Variants in PTPRD observed in about 807,000 individuals in gnomAD.
PTPRD encodes protein tyrosine phosphatase receptor type D.
PTPRD carries 34 observed loss-of-function variants against 214.5 expected under a neutral mutation model. The observed-to-expected ratio is 0.16, with a 90% CI of 0.12 to 0.21. The LOEUF is 0.21. Ranked by LOEUF, PTPRD falls within the 10% of genes least tolerant of loss-of-function variation. PTPRD has a pLI of 1.00. For synonymous variants in PTPRD, 1,128 were observed against 845.7 expected (o/e 1.33, Z -5.79); for missense variants, 2,545 against 2,398.7 (o/e 1.06, Z -1.27).
chr9:9,381,131 C>G (rs982043925), intron 9 of PTPRD, among the ~76,000 whole-genome samples: 1 of 152,136 alleles, frequency 6.6e-6, no homozygotes, highest in East Asian at 1.9e-4. Flanking sequence ...ATATTTTGAT[C>G]TACTCTGACA....
chr9:8,388,551 C>T (rs910607161), intron 37 of PTPRD, among the ~76,000 whole-genome samples: 3 of 152,110 alleles, frequency 2.0e-5, no homozygotes, highest in African/African-American at 7.2e-5. Flanking sequence ...ATTTTTTAGT[C>T]CTTCAAACCA....
Position 8,315,843 on chromosome 9 carries a change from T to C in PTPRD, c.*2031A>G, listed in dbSNP as rs986310882. The C allele has an allele frequency of 2.7e-5, 6 of 224,708 alleles. No homozygotes were observed. Among genetic ancestry groups the C allele is most frequent in the East Asian group, 6.4e-5 (1 of 15,586 alleles). 13.9% of individuals were successfully genotyped at this position (224,708 alleles called of 1,614,324 possible). ...ACTCTTTAAGAGTTCCTTGGGTATT[T>C]TGAGGATTATTTAAAATCATGTAAT... On this transcript the variant is annotated 3_prime_UTR_variant, in exon 46 of 46. Transcript: ENST00000381196.
chr9:9,889,557 G>A (rs1006950187), intron 5 of PTPRD, among the ~76,000 whole-genome samples: 4 of 152,112 alleles, frequency 2.6e-5, no homozygotes, highest in African/African-American at 9.7e-5. Flanking sequence ...TGGTGCTTTA[G>A]TCAGGATTTT....
chr9:10,000,849 C>T (rs1301556917), intron 4 of PTPRD, among the ~76,000 whole-genome samples: 2 of 152,156 alleles, frequency 1.3e-5, no homozygotes, highest in East Asian at 1.9e-4. Context: ...TCCACGGGTG[C>T]AGGACATCTG....
chr9:8,528,368 T>C (rs575638748), intron 15 of PTPRD: 1 of 610,778 alleles, frequency 1.6e-6, no homozygotes, highest in Admixed American at 3.1e-5. Flanking sequence ...GCAATGTGGA[T>C]TAAACAGAAG....
At chr9:10,506,197 AC>A (rs536714669) in intron 2 of PTPRD, among the ~76,000 whole-genome samples, 4,766 of 152,052 alleles carry the variant, frequency 0.031, 205 homozygotes, top group African/African-American at 0.1. Context: ...AAGCTTCAAG[AC>A]TTTTTTTATC....
At position 8,629,325 on chromosome 9, in the gene PTPRD, C is replaced by T. The variant is rs909374005; in HGVS notation, c.352+3992G>A. On this transcript the variant is annotated intron_variant, in intron 14 of 45. Coordinates refer to ENST00000381196, the MANE Select transcript of PTPRD (RefSeq NM_002839.4). Reference sequence around the variant, plus strand: ...TCTATGGATGGTGATATCTCATTTTCCCTGCCTAGTGATTGATAACATCTA... The same window carrying T: ...TCTATGGATGGTGATATCTCATTTTTCCTGCCTAGTGATTGATAACATCTA... 7.2e-5 allele frequency among the ~76,000 whole-genome samples: 11 copies of T among 151,812 alleles called. No homozygotes were observed. The East Asian group carries it at 7.8e-4, about 11-fold the overall frequency.
intron 2 of PTPRD, among the ~76,000 whole-genome samples, chr9:10,349,202 T>C (rs1305409356): frequency 7.2e-6 from 1 of 138,364 alleles, no homozygotes; most frequent in African/African-American, 2.7e-5. Flanking sequence ...CCCTTTAAAT[T>C]TGAAGCCCTC....
chr9:8,633,366 T>A lies in PTPRD; in HGVS notation c.303A>T (p.Ser101=). The change falls in exon 14 of 46, where the codon TCA becomes TCT. Residue 101 remains serine, a synonymous_variant. Transcript: ENST00000381196. ...RDEAIYECVA[S]NNVGEISVST... Reference sequence around the variant, plus strand: ...ATACACTTATTTCTCCCACATTATTTGAGGCCACACATTCATAAATGGCCT... The same window carrying A: ...ATACACTTATTTCTCCCACATTATTAGAGGCCACACATTCATAAATGGCCT... 1 of 1,612,892 alleles carries A rather than the reference T, an allele frequency of 6.2e-7. No homozygotes were observed. Among genetic ancestry groups the A allele is most frequent in the Non-Finnish European group, 8.5e-7 (1 of 1,179,152 alleles).
At chr9:10,589,758 C>T (rs923088574) in intron 2 of PTPRD, among the ~76,000 whole-genome samples, 4 of 152,050 alleles carry the variant, frequency 2.6e-5, no homozygotes, top group Admixed American at 6.6e-5. Context: ...GGCTTAGAAT[C>T]AGGATAAGAG....
In PTPRD at chr9:10,494,173, C is replaced by A. The variant is rs543342487; in HGVS notation, c.-600+118225G>T. The stretch of plus-strand genomic sequence containing the variant: ...TCAATTTAAGCCCAGATTATACATT[C>A]TTCTTACATTTTTATAAGCAATATC... On this transcript the variant is annotated intron_variant, in intron 2 of 45. Transcript: ENST00000381196. Among the ~76,000 whole-genome samples the A allele has an allele frequency of 5.7e-4, 86 of 151,918 alleles. 1 individual carries two copies. The South Asian group carries it at 0.017, about 30-fold the overall frequency.
chr9:8,619,463 T>G (rs888476378), intron 14 of PTPRD, among the ~76,000 whole-genome samples: 2 of 151,972 alleles, frequency 1.3e-5, no homozygotes, highest in Non-Finnish European at 2.9e-5. Context: ...TTTCTGTGAA[T>G]GGCTTATTTC....
chr9:10,303,671 GATAA>G (rs1054355959), intron 3 of PTPRD, among the ~76,000 whole-genome samples: 1 of 151,830 alleles, frequency 6.6e-6, no homozygotes, highest in Non-Finnish European at 1.5e-5. Flanking sequence ...AGAAGAAATG[GATAA>G]ATTCATGGAC....
chr9:8,611,193 C>T (rs1490333401), intron 14 of PTPRD, among the ~76,000 whole-genome samples: 1 of 152,056 alleles, frequency 6.6e-6, no homozygotes, highest in Non-Finnish European at 1.5e-5. Context: ...AAGAAAATAA[C>T]CAAAAAGCTG....
chr9:9,528,873 A>G (rs181046840), intron 8 of PTPRD, among the ~76,000 whole-genome samples: 110 of 151,690 alleles, frequency 7.3e-4, no homozygotes, highest in African/African-American at 2.5e-3. Flanking sequence ...TATAAAATTT[A>G]TACAATAAAA....
At chr9:9,423,053 A>G (rs77771688) in intron 8 of PTPRD, among the ~76,000 whole-genome samples, 1,779 of 152,224 alleles carry the variant, frequency 0.012, 33 homozygotes, top group East Asian at 0.061. Flanking sequence ...TGAAAATTCT[A>G]AACCTCATCC....
At chr9:9,095,238 G>T (rs978482565) in intron 10 of PTPRD, among the ~76,000 whole-genome samples, 2 of 151,936 alleles carry the variant, frequency 1.3e-5, no homozygotes, top group South Asian at 4.1e-4. Context: ...CCAACATACT[G>T]CAAGTCTTAG....
intron 5 of PTPRD, among the ~76,000 whole-genome samples, chr9:9,821,600 TTGTAA>T (rs768309205): frequency 3.2e-4 from 48 of 152,204 alleles, no homozygotes; most frequent in Non-Finnish European, 6.3e-4. Context: ...TTCTCTCTTC[TTGTAA>T]TGTGTTTTCT....
At chr9:9,272,236 A>C (rs10977625) in intron 9 of PTPRD, among the ~76,000 whole-genome samples, 17,900 of 151,230 alleles carry the variant, frequency 0.12, 1,329 homozygotes, top group Non-Finnish European at 0.16. Flanking sequence ...GGCTTTTAAA[A>C]ATCATTTTTA....
Sources: allele counts gnomAD v4.1 joint callset (sites outside exome capture counted in the v4.1 genomes callset), GRCh38; gene constraint gnomAD v4.1.1; transcripts MANE v1.5; gene names NCBI Gene and HGNC (gene_info 2026-07-23, HGNC 2026-07-21).